The following PSMA8 variants were observed in gnomAD, a reference collection of about 807,000 sequenced individuals.
The protein encoded by PSMA8 is proteasome subunit alpha-type 8.
PSMA8 carries 18 observed loss-of-function variants against 32.4 expected under a neutral mutation model. The observed-to-expected ratio is 0.56, with a 90% CI of 0.38 to 0.82. The LOEUF (loss-of-function observed/expected upper bound fraction) is 0.82, where lower values mean the gene tolerates loss of function less well. Ranked by LOEUF, PSMA8 falls within the 40% of genes least tolerant of loss-of-function variation. The pLI is 0.00. For synonymous variants in PSMA8, 104 were observed against 98.1 expected, an observed-to-expected ratio of 1.06 and a Z score of -0.36; for missense variants, 298 against 300.7, an observed-to-expected ratio of 0.99 and a Z score of 0.07.
At chr18:26,162,912 G>A (rs892175126) in intron 4 of PSMA8, among the ~76,000 whole-genome samples, 2 of 151,742 alleles carry the variant, frequency 1.3e-5, no homozygotes, top group African/African-American at 4.8e-5. Context: ...CAGAAATAAG[G>A]AATTGAATAC....
chr18:26,181,306 T>C (rs1285166849), intron 6 of PSMA8, among the ~76,000 whole-genome samples: 2 of 152,200 alleles, frequency 1.3e-5, no homozygotes, highest in East Asian at 3.8e-4. Flanking sequence ...TGCATCCATA[T>C]AAAAAACACT....
intron 2 of PSMA8, 86 bp downstream of exon 2, chr18:26,144,771 T>A: frequency 7.8e-7 from 1 of 1,286,090 alleles, no homozygotes; most frequent in Non-Finnish European, 1.1e-6. Context: ...TTGTGCTATA[T>A]TTATAAAACA....
chr18:26,157,263 A>T (rs763958790), intron 3 of PSMA8, among the ~76,000 whole-genome samples: 3 of 151,978 alleles, frequency 2.0e-5, no homozygotes, highest in Non-Finnish European at 4.4e-5. Context: ...CTAAAAATTT[A>T]GTCCTTAGAC....
chr18:26,158,315 G>C, intron 4 of PSMA8, 71 bp downstream of exon 4: 2 of 1,237,816 alleles, frequency 1.6e-6, no homozygotes, highest in Non-Finnish European at 2.2e-6. Flanking sequence ...TTATTGCTTT[G>C]AGAGACATGA....
At chr18:26,144,279 T>A (rs1191830707) in intron 1 of PSMA8, among the ~76,000 whole-genome samples, 1 of 152,204 alleles carries the variant, frequency 6.6e-6, no homozygotes, top group African/African-American at 2.4e-5. Context: ...ATTTAGATAG[T>A]GCTTTTTTCA....
chr18:26,189,081 A>G (rs1237986248), intron 6 of PSMA8, among the ~76,000 whole-genome samples: 1 of 152,180 alleles, frequency 6.6e-6, no homozygotes, highest in Non-Finnish European at 1.5e-5. Context: ...ATATTTGCAA[A>G]TTTACCCTTC....
chr18:26,187,725 G>A (rs1469916511), intron 6 of PSMA8, among the ~76,000 whole-genome samples: 1 of 152,134 alleles, frequency 6.6e-6, no homozygotes, highest in African/African-American at 2.4e-5. Flanking sequence ...AGTTCAGCAA[G>A]AAGATATAAC....
chr18:26,138,848 A>G (rs925091577), intron 1 of PSMA8, among the ~76,000 whole-genome samples: 1 of 152,188 alleles, frequency 6.6e-6, no homozygotes, highest in Admixed American at 6.5e-5. Flanking sequence ...GGTATAGAAG[A>G]AGGAGGAATA....
chr18:26,164,340 G>A (rs1489190928), intron 4 of PSMA8, among the ~76,000 whole-genome samples: 1 of 152,174 alleles, frequency 6.6e-6, no homozygotes, highest in Admixed American at 6.6e-5. Context: ...ATTAAGGGGT[G>A]CCAAAACCAT....
chr18:26,190,713 T>G (rs1278620149), intron 6 of PSMA8, among the ~76,000 whole-genome samples: 2 of 152,204 alleles, frequency 1.3e-5, no homozygotes, highest in Non-Finnish European at 2.9e-5. Flanking sequence ...CATGCCGCTG[T>G]GCTTCAGCTG....
intron 3 of PSMA8, among the ~76,000 whole-genome samples, chr18:26,155,379 G>A (rs2055080835): frequency 6.6e-6 from 1 of 152,184 alleles, no homozygotes; most frequent in Non-Finnish European, 1.5e-5. Context: ...CAAAGCTGGT[G>A]CCATCACACT....
intron 4 of PSMA8, among the ~76,000 whole-genome samples, chr18:26,166,509 T>C (rs896821541): frequency 3.9e-5 from 6 of 152,194 alleles, no homozygotes; most frequent in African/African-American, 1.2e-4. Context: ...CCATAAAGAT[T>C]GTTAGTTTTA....
In PSMA8 at chr18:26,188,102, A is replaced by G. The variant is rs73409504; in HGVS notation, c.661-4217A>G. Among the ~76,000 whole-genome samples the G allele has an allele frequency of 7.3e-3, 1,088 of 150,014 alleles. 15 individuals carry two copies. The highest frequency in any genetic ancestry group is 0.025 in the African/African-American group (1,028 of 41,016). On this transcript the variant is annotated intron_variant, in intron 6 of 6. Transcript: ENST00000415576. ...CAAGCATCATCTCTGACCACAGTGG[A>G]AAAAAAAAACTAGAAATCAGTAACT...
At chr18:26,174,870 A>G (rs572465331) in intron 4 of PSMA8, among the ~76,000 whole-genome samples, 30 of 152,348 alleles carry the variant, frequency 2.0e-4, no homozygotes, top group Middle Eastern at 3.4e-3. Flanking sequence ...TAAATCTTCT[A>G]GAAGCAGGTA....
At chr18:26,177,091 T>C (rs1031389539) in intron 4 of PSMA8, among the ~76,000 whole-genome samples, 2 of 152,212 alleles carry the variant, frequency 1.3e-5, no homozygotes, top group African/African-American at 4.8e-5. Flanking sequence ...GTTAAAAGCT[T>C]GGCTTGTTGA....
chr18:26,184,499 G>A (rs1321385796), intron 6 of PSMA8, among the ~76,000 whole-genome samples: 2 of 150,120 alleles, frequency 1.3e-5, no homozygotes, highest in East Asian at 2.0e-4. Flanking sequence ...TTGGCCGGGC[G>A]CGGTGGCTCA....
chr18:26,145,832 A>AT (rs1251691652), intron 2 of PSMA8, among the ~76,000 whole-genome samples: 2 of 152,054 alleles, frequency 1.3e-5, no homozygotes, highest in East Asian at 3.9e-4. Flanking sequence ...TTGTTTACAG[A>AT]TTTTTGAGTG....
intron 6 of PSMA8, among the ~76,000 whole-genome samples, chr18:26,179,570 C>T (rs1020853122): frequency 2.6e-5 from 4 of 152,078 alleles, no homozygotes; most frequent in African/African-American, 9.7e-5. Flanking sequence ...ATATGTATAA[C>T]GTCTGTCAGC....
chr18:26,177,924 C>CT (rs1332150044), intron 4 of PSMA8, among the ~76,000 whole-genome samples: 22 of 152,104 alleles, frequency 1.4e-4, no homozygotes, highest in Non-Finnish European at 2.2e-4. Context: ...TTTTTAAAAT[C>CT]TTTTCTGAGC....
Sources: gnomAD v4.1 joint callset for allele counts (sites outside exome capture counted in the v4.1 genomes callset) on GRCh38, gnomAD v4.1.1 for gene constraint, MANE v1.5 for transcripts, NCBI Gene and HGNC (gene_info 2026-07-23, HGNC 2026-07-21) for gene names.